The following NOP9 variants were observed in gnomAD, a reference collection of about 807,000 sequenced individuals.
The protein encoded by NOP9 is nucleolar protein 9.
In NOP9, 50 loss-of-function variants were observed where a neutral mutation model predicts 63.0. That is an observed-to-expected ratio of 0.79 (90% confidence interval 0.63 to 1.00). The LOEUF is 1.00. Ranked by LOEUF, NOP9 falls within the 50% of genes least tolerant of loss-of-function variation. The pLI is 0.00. For synonymous variants in NOP9, 343 were observed against 332.8 expected (o/e 1.03, Z -0.33); for missense variants, 758 against 803.0 (o/e 0.94, Z 0.68).
At position 24,305,433 on chromosome 14, in the gene NOP9, C is replaced by G. The variant is rs1384531099; in HGVS notation, c.*338C>G. ...GGCCAGAAAGGTGGCTAGGAAAGAACAGCATTCTTCAGGTAAGGGTATAGA... is the reference window on the plus strand; with the variant it reads ...GGCCAGAAAGGTGGCTAGGAAAGAAGAGCATTCTTCAGGTAAGGGTATAGA... On this transcript the variant is annotated 3_prime_UTR_variant, in exon 10 of 10. Transcript: ENST00000267425. 1.2e-5 allele frequency: 8 copies of G among 656,028 alleles called. No homozygotes were observed. Among genetic ancestry groups the G allele is most frequent in the African/African-American group, 1.1e-4 (6 of 54,696 alleles). 40.6% of individuals were successfully genotyped at this position (656,028 alleles called of 1,614,324 possible).
the NOP9 span, among the ~76,000 whole-genome samples, chr14:24,276,078 AT>A: frequency 5.9e-5 from 9 of 151,562 alleles, no homozygotes; most frequent in East Asian, 1.9e-4. Flanking sequence ...TAACTTAAAA[AT>A]TTTTTTTTGG....
chr14:24,292,246 T>A, the NOP9 span: 1 of 1,613,924 alleles, frequency 6.2e-7, no homozygotes, highest in African/African-American at 1.3e-5. Flanking sequence ...AGCAGTTCTG[T>A]CTGCACAATC....
rs1315427914 is a variant in NOP9 at position 24,308,027 on chromosome 14, A to T, written c.*2932A>T. On this transcript the variant is annotated 3_prime_UTR_variant, in exon 10 of 10. Transcript: ENST00000267425. Reference sequence around the variant, plus strand: ...CCTGCCTGGCCAGTAAGAAGGGCAAAGTCCAAGGGGAGGGATGAGGGAGGG... The same window carrying T: ...CCTGCCTGGCCAGTAAGAAGGGCAATGTCCAAGGGGAGGGATGAGGGAGGG... 1 of 653,744 alleles carries T rather than the reference A, an allele frequency of 1.5e-6. No homozygotes were observed. The highest frequency in any genetic ancestry group is 1.8e-5 in the African/African-American group (1 of 55,172). 40.5% of individuals were successfully genotyped at this position (653,744 alleles called of 1,614,324 possible).
chr14:24,292,707 G>T, the NOP9 span: 2 of 1,614,114 alleles, frequency 1.2e-6, no homozygotes, highest in African/African-American at 1.3e-5. Flanking sequence ...GCTTCCTGGG[G>T]AGGAGATGAC....
the NOP9 span, chr14:24,291,069 A>T: frequency 1.2e-6 from 2 of 1,613,116 alleles, no homozygotes; most frequent in Non-Finnish European, 1.7e-6. Context: ...GGCTGGAGAG[A>T]CCGAGGGAGG....
rs138452380 is a variant in NOP9 at position 24,303,278 on chromosome 14, T to C, written c.1284+64T>C. On this transcript the variant is annotated intron_variant, in intron 6 of 9. Transcript: ENST00000267425. ...TTCAACTTCTACCTTTTAGGACTTA[T>C]CTAATCTTAAGTTTTTGTACCTCTG... The C allele has an allele frequency of 9.4e-5, 151 of 1,600,368 alleles. No homozygotes were observed. In the African/African-American group the frequency reaches 1.2e-3, roughly 13 times the overall value.
chr14:24,292,352 G>A, the NOP9 span: 1 of 1,613,146 alleles, frequency 6.2e-7, no homozygotes, highest in Non-Finnish European at 8.5e-7. Context: ...CGGAAGGCAG[G>A]GTAAGAGCCA....
At chr14:24,283,968 C>T in the NOP9 span, among the ~76,000 whole-genome samples, 1 of 152,218 alleles carries the variant, frequency 6.6e-6, no homozygotes, top group Non-Finnish European at 1.5e-5. Flanking sequence ...AGCCATGGGG[C>T]TCTGAGGAGG....
chr14:24,283,394 GC>G, the NOP9 span, among the ~76,000 whole-genome samples: 1 of 151,260 alleles, frequency 6.6e-6, no homozygotes, highest in African/African-American at 2.4e-5. Context: ...TTCAAGACCA[GC>G]TTGGGCAACA....
chr14:24,301,828 G>A lies in NOP9; in HGVS notation c.808+106G>A, dbSNP rs910463055. 12 of 1,471,328 alleles carry A rather than the reference G, an allele frequency of 8.2e-6. No individual in the cohort carries two copies. The Admixed American group carries it at 1.7e-4, about 21-fold the overall frequency. 91.1% of individuals were successfully genotyped at this position (1,471,328 alleles called of 1,614,324 possible). ...GTTATTCCTCTTCTTTTCAAACCTGGTCTGGTTTGACGTTCAGAGCACTTT... is the reference window on the plus strand; with the variant it reads ...GTTATTCCTCTTCTTTTCAAACCTGATCTGGTTTGACGTTCAGAGCACTTT... On this transcript the variant is annotated intron_variant, in intron 3 of 9. Coordinates refer to ENST00000267425, the MANE Select transcript of NOP9 (RefSeq NM_174913.3).
the NOP9 span, among the ~76,000 whole-genome samples, chr14:24,278,699 G>A: frequency 6.6e-6 from 1 of 152,218 alleles, no homozygotes; most frequent in Non-Finnish European, 1.5e-5. Flanking sequence ...AGAATTGACT[G>A]TGATCTGCTT....
chr14:24,304,856 G>T, intron 9 of NOP9, 82 bp from the exon 10 acceptor site: 3 of 1,433,798 alleles, frequency 2.1e-6, no homozygotes, highest in Non-Finnish European at 2.8e-6. Context: ...CCCAGGGTCT[G>T]GGGGAAATGG....
the NOP9 span, chr14:24,271,266 G>A: frequency 2.0e-6 from 2 of 1,002,990 alleles, no homozygotes; most frequent in South Asian, 4.0e-5. Flanking sequence ...GAGACCCCCA[G>A]AGTGTAAAGA....
At chr14:24,304,397 A>G in intron 8 of NOP9, 96 bp from the exon 9 acceptor site, 1 of 1,330,626 alleles carries the variant, frequency 7.5e-7, no homozygotes, top group Non-Finnish European at 1.1e-6. Context: ...ATTTTAATTC[A>G]GCCCTTAAAC....
chr14:24,292,862 C>T, the NOP9 span: 1 of 1,512,272 alleles, frequency 6.6e-7, no homozygotes, highest in Non-Finnish European at 8.8e-7. Flanking sequence ...GCGGCTTCCC[C>T]TGCCTTCTGG....
rs1385979805 is a variant in NOP9 at position 24,303,320 on chromosome 14, T to C, written c.1284+106T>C. The C allele has an allele frequency of 7.1e-6, 10 of 1,414,728 alleles. No homozygotes were observed. In the East Asian group the frequency reaches 1.8e-4, roughly 26 times the overall value. 87.6% of individuals were successfully genotyped at this position (1,414,728 alleles called of 1,614,324 possible). ...GTACCTCTGGACTCAGGAAGTCTAA[T>C]GCCCAAGGAGTTCACAGGAATGGGG... On this transcript the variant is annotated intron_variant, in intron 6 of 9. Coordinates refer to ENST00000267425, the MANE Select transcript of NOP9 (RefSeq NM_174913.3).
At chr14:24,290,883 A>G in the NOP9 span, 1 of 1,613,878 alleles carries the variant, frequency 6.2e-7, no homozygotes, top group Non-Finnish European at 8.5e-7. Flanking sequence ...TGTAGAGGGC[A>G]ATAATCCACT....
the NOP9 span, chr14:24,291,626 C>G: frequency 1.9e-6 from 3 of 1,614,158 alleles, no homozygotes; most frequent in South Asian, 2.2e-5. Flanking sequence ...CTGATTTGAA[C>G]TGAAACACAG....
intron 1 of NOP9, 64 bp from the exon 2 acceptor site, chr14:24,300,344 G>A (rs1284004376): frequency 3.2e-6 from 5 of 1,559,986 alleles, no homozygotes; most frequent in Non-Finnish European, 3.5e-6. Flanking sequence ...CCTTGGTTAA[G>A]CGAGGGTACA....
Sources: allele counts gnomAD v4.1 joint callset (sites outside exome capture counted in the v4.1 genomes callset), GRCh38; gene constraint gnomAD v4.1.1; transcripts MANE v1.5; gene names NCBI Gene and HGNC (gene_info 2026-07-23, HGNC 2026-07-21).